The following BANF2 variants were observed in gnomAD, a reference collection of about 807,000 sequenced individuals.
BANF2 encodes BANF family member 2, also known as barrier-to-autointegration factor-like protein.
Under a neutral mutation model 8.0 loss-of-function variants are expected in BANF2, and 4 were observed. The ratio of observed to expected loss-of-function variants is 0.50; its 90% CI spans 0.25 to 1.14. BANF2 has a LOEUF of 1.14. Ranked by LOEUF, BANF2 falls within the 50% of genes most tolerant of loss-of-function variation. The probability of loss-of-function intolerance (pLI) is 0.16; values close to 1 mark genes in which losing one functional copy is unlikely to be tolerated. For synonymous variants in BANF2, 50 were observed against 40.6 expected (o/e 1.23, Z -0.88); for missense variants, 96 against 107.5 (o/e 0.89, Z 0.47).
intron 1 of BANF2, among the ~76,000 whole-genome samples, chr20:17,717,429 T>C (rs2037670577): frequency 6.6e-6 from 1 of 152,056 alleles, no homozygotes; most frequent in Non-Finnish European, 1.5e-5. Context: ...ATAAAGGATG[T>C]CAGTGCTTTG....
At chr20:17,703,610 C>A (rs1305352925) in intron 1 of BANF2, among the ~76,000 whole-genome samples, 1 of 152,174 alleles carries the variant, frequency 6.6e-6, no homozygotes, top group Non-Finnish European at 1.5e-5. Flanking sequence ...CAGCTGGGGG[C>A]TAGGCTGGAC....
intron 1 of BANF2, among the ~76,000 whole-genome samples, chr20:17,706,674 G>A (rs1217630292): frequency 6.6e-6 from 1 of 152,206 alleles, no homozygotes; most frequent in African/African-American, 2.4e-5. Flanking sequence ...ACCAAGTAAA[G>A]GGTAAAGCCA....
At chr20:17,722,198 G>A (rs1600224240) in intron 1 of BANF2, among the ~76,000 whole-genome samples, 1 of 152,348 alleles carries the variant, frequency 6.6e-6, no homozygotes, top group South Asian at 2.1e-4. Flanking sequence ...CCACACCCCA[G>A]AGATGTTGCA....
In BANF2 at chr20:17,734,401, G is replaced by A. The variant is rs1478129101; in HGVS notation, c.127-1264G>A. Among the ~76,000 whole-genome samples, 4 of 152,286 alleles carry A rather than the reference G, an allele frequency of 2.6e-5. No homozygotes were observed. The East Asian group carries it at 7.7e-4, about 29-fold the overall frequency. The stretch of plus-strand genomic sequence containing the variant: ...AGAGAGGAATTTACATTTTTTGAAT[G>A]CCTTCCCATTTAATTCACTTAATTT... On this transcript the variant is annotated intron_variant, in intron 3 of 3. Transcript: ENST00000246090.
At chr20:17,693,767 G>A in intron 1 of BANF2, 1 of 1,536,714 alleles carries the variant, frequency 6.5e-7, no homozygotes, top group Non-Finnish European at 8.8e-7. Flanking sequence ...GGGAAAGGAG[G>A]CAAGGACAAA....
At chr20:17,732,502 G>A (rs6044976) in intron 3 of BANF2, among the ~76,000 whole-genome samples, 27,982 of 152,196 alleles carry the variant, frequency 0.18, 3,050 homozygotes, top group East Asian at 0.47. Context: ...GATTACACGC[G>A]GCTGCCACCA....
chr20:17,714,210 AAAAAGAAAG>A (rs1215663298), intron 1 of BANF2, among the ~76,000 whole-genome samples: 1 of 148,976 alleles, frequency 6.7e-6, no homozygotes, highest in Non-Finnish European at 1.5e-5. Flanking sequence ...AAAAAAAAAA[AAAAAGAAAG>A]AAAGAAAGAA....
At chr20:17,732,663 C>T (rs574743366) in intron 3 of BANF2, among the ~76,000 whole-genome samples, 1 of 152,144 alleles carries the variant, frequency 6.6e-6, no homozygotes, top group African/African-American at 2.4e-5. Context: ...GCCGAGCCCC[C>T]CCTCTTACAG....
At chr20:17,716,210 G>A (rs1374744001) in intron 1 of BANF2, among the ~76,000 whole-genome samples, 2 of 152,242 alleles carry the variant, frequency 1.3e-5, no homozygotes, top group South Asian at 2.1e-4. Flanking sequence ...CCAAAATGGA[G>A]GCATTTCTCC....
chr20:17,716,831 G>T (rs1160966514), intron 1 of BANF2, among the ~76,000 whole-genome samples: 5 of 90,956 alleles, frequency 5.5e-5, no homozygotes, highest in Non-Finnish European at 9.6e-5. Context: ...GACAGAGCAA[G>T]ACTCCATCTC....
Position 17,722,618 on chromosome 20 carries a change from G to C in BANF2, c.-166-98G>C. 5.6e-6 allele frequency: 3 copies of C among 540,328 alleles called. No individual in the cohort carries two copies. The South Asian group carries it at 2.5e-4, about 44-fold the overall frequency. The allele number at this position is 540,328 out of a possible 1,614,324, so 33.5% of individuals were successfully genotyped here. On this transcript the variant is annotated intron_variant, in intron 1 of 3. Coordinates refer to ENST00000246090, the MANE Select transcript of BANF2 (RefSeq NM_178477.5). ...GTGAGATTCCTATTTAGCTGCTAAAGAGAGGTCGATGCCCTCGGCTCACAC... is the reference window on the plus strand; with the variant it reads ...GTGAGATTCCTATTTAGCTGCTAAACAGAGGTCGATGCCCTCGGCTCACAC...
intron 1 of BANF2, among the ~76,000 whole-genome samples, chr20:17,718,613 G>C (rs1016791931): frequency 6.6e-6 from 1 of 152,180 alleles, no homozygotes; most frequent in Non-Finnish European, 1.5e-5. Flanking sequence ...TGGCATTGGA[G>C]CAGTTCCCCA....
At chr20:17,701,881 A>T (rs1390574096) in intron 1 of BANF2, among the ~76,000 whole-genome samples, 1 of 152,184 alleles carries the variant, frequency 6.6e-6, no homozygotes, top group Non-Finnish European at 1.5e-5. Flanking sequence ...TGCTGATCAA[A>T]CGTTCCCATG....
At chr20:17,721,428 G>T (rs565521399) in intron 1 of BANF2, among the ~76,000 whole-genome samples, 1 of 149,184 alleles carries the variant, frequency 6.7e-6, no homozygotes, top group African/African-American at 2.5e-5. Context: ...GTCTCGCTCT[G>T]TTGCCCAGGC....
chr20:17,706,808 C>T (rs144524307), intron 1 of BANF2, among the ~76,000 whole-genome samples: 3 of 152,280 alleles, frequency 2.0e-5, no homozygotes, highest in African/African-American at 4.8e-5. Flanking sequence ...AGGTCTTTCT[C>T]GTCTTCTCTG....
rs73101871 is a variant in BANF2 at position 17,703,473 on chromosome 20, C to T, written c.-167+3418C>T. 3.7e-3 allele frequency among the ~76,000 whole-genome samples: 569 copies of T among 152,344 alleles called. 4 individuals carry two copies. The highest frequency in any genetic ancestry group is 6.2e-3 in the Non-Finnish European group (421 of 68,032). ...GGAAAGGCGGTCATGGCCCCAGTAA[C>T]TTCTGCTGTGTGACAAAATAACATG... On this transcript the variant is annotated intron_variant, in intron 1 of 3. Coordinates refer to ENST00000246090, the MANE Select transcript of BANF2 (RefSeq NM_178477.5).
intron 1 of BANF2, among the ~76,000 whole-genome samples, chr20:17,713,866 A>G (rs994828196): frequency 1.3e-5 from 2 of 151,930 alleles, no homozygotes; most frequent in Non-Finnish European, 2.9e-5. Flanking sequence ...AAATAAATAA[A>G]TGTTAAGATG....
At chr20:17,696,800 C>A (rs2037349473), upstream of BANF2, among the ~76,000 whole-genome samples, 2 of 152,188 alleles carry the variant, frequency 1.3e-5, no homozygotes. Flanking sequence ...ATCAGCCAAG[C>A]CGCGATTGGA....
intron 1 of BANF2, among the ~76,000 whole-genome samples, chr20:17,704,247 G>T (rs2037450611): frequency 6.6e-6 from 1 of 152,232 alleles, no homozygotes. Context: ...CAACAGTGCT[G>T]TGGTAGTGCT....
Sources: allele counts gnomAD v4.1 joint callset (sites outside exome capture counted in the v4.1 genomes callset), GRCh38; gene constraint gnomAD v4.1.1; transcripts MANE v1.5; gene names NCBI Gene and HGNC (gene_info 2026-07-23, HGNC 2026-07-21).